ATP2B4: variants seen among roughly 807,000 people sequenced by gnomAD.
ATP2B4 encodes ATPase plasma membrane Ca2+ transporting 4.
In ATP2B4, 39 loss-of-function variants were observed where a neutral mutation model predicts 110.3. The ratio of observed to expected loss-of-function variants is 0.35; its 90% CI spans 0.27 to 0.46. The LOEUF (loss-of-function observed/expected upper bound fraction) is 0.46. ATP2B4 is among the 20% of genes least tolerant of loss of function. The pLI is 1.00. For synonymous variants in ATP2B4, 538 were observed against 571.7 expected (o/e 0.94, Z 0.84); for missense variants, 1,135 against 1,530.9 (o/e 0.74, Z 4.32).
Position 203,708,051 on chromosome 1 carries a change from G to A in ATP2B4, c.1504G>A (p.Asp502Asn), listed in dbSNP as rs199804431. ...SPDVFLPKVL[D>N]LIVNGISINS... ...TGATGTCTTCCTGCCCAAAGTCCTG[G>A]ACCTCATTGTCAATGGCATTTCTAT... Residue 502 changes from aspartate (D) to asparagine (N), a missense_variant, in exon 10 of 21, where the codon GAC (aspartate) becomes AAC (asparagine). Coordinates refer to ENST00000357681, the MANE Select transcript of ATP2B4 (RefSeq NM_001684.5). The A allele has an allele frequency of 7.5e-5, 121 of 1,614,008 alleles. No homozygotes were observed. The highest frequency in any genetic ancestry group is 1.6e-4 in the Middle Eastern group (1 of 6,084).
chr1:203,632,226 AC>A (rs1245490447), intron 1 of ATP2B4, among the ~76,000 whole-genome samples: 8 of 152,122 alleles, frequency 5.3e-5, no homozygotes. Context: ...AAAAAGAATG[AC>A]TAGGAGCCCT....
At chr1:203,714,344 C>T in intron 15 of ATP2B4, 67 bp downstream of exon 15, 1 of 1,562,298 alleles carries the variant, frequency 6.4e-7, no homozygotes, top group Non-Finnish European at 8.8e-7. Flanking sequence ...GGTCCGGCTT[C>T]TGGTTGCCTG....
Position 203,740,495 on chromosome 1 carries a change from T to C in ATP2B4, c.*641T>C, listed in dbSNP as rs1666977236. The C allele has an allele frequency of 6.6e-6, 1 of 151,672 alleles. No homozygotes were observed. Among genetic ancestry groups the C allele is most frequent in the Non-Finnish European group, 1.5e-5 (1 of 67,980 alleles). The allele number at this position is 151,672 out of a possible 1,614,324, so 9.4% of individuals were successfully genotyped here. A position where few individuals can be genotyped will look rare whatever the true frequency, so the allele number is the denominator to read the frequency against. On this transcript the variant is annotated 3_prime_UTR_variant, in exon 21 of 21. Coordinates refer to ENST00000357681, the MANE Select transcript of ATP2B4 (RefSeq NM_001684.5). ...AGAAAATGGAAAGGATATGGATGAA[T>C]TGTGTAAACTTAGATCCTTCTCCCT... is the stretch of plus-strand genomic sequence containing the variant.
chr1:203,694,670 TTTACTC>T (rs1361834882), intron 2 of ATP2B4, among the ~76,000 whole-genome samples: 15 of 152,062 alleles, frequency 9.9e-5, no homozygotes, highest in African/African-American at 3.4e-4. Flanking sequence ...GGTGCCTAGT[TTTACTC>T]TAAGTAAAAG....
At position 203,700,070 on chromosome 1, in the gene ATP2B4, G is replaced by T. The variant is rs76673685; in HGVS notation, c.650-136G>T. On this transcript the variant is annotated intron_variant, in intron 4 of 20. Coordinates refer to ENST00000357681, the MANE Select transcript of ATP2B4 (RefSeq NM_001684.5). Reference sequence around the variant, plus strand: ...CTGAAGACTTGTAAAGAGTCTCCATGTACTCTCGGCCATTGCTGTCTAGAT... The same window carrying T: ...CTGAAGACTTGTAAAGAGTCTCCATTTACTCTCGGCCATTGCTGTCTAGAT... 3.8e-3 allele frequency: 4,034 copies of T among 1,069,498 alleles called. 127 individuals are homozygous for T. The African/African-American group carries it at 0.058, about 15-fold the overall frequency. 66.3% of individuals were successfully genotyped at this position (1,069,498 alleles called of 1,614,324 possible). A position where few individuals can be genotyped will look rare whatever the true frequency, so the allele number is the denominator to read the frequency against.
chr1:203,712,561 A>G (rs1395822650), intron 13 of ATP2B4, among the ~76,000 whole-genome samples: 1 of 151,808 alleles, frequency 6.6e-6, no homozygotes, highest in East Asian at 1.9e-4. Flanking sequence ...ACTGCACTCC[A>G]GCCTGGGCAA....
At chr1:203,633,060 A>T (rs1663324403) in intron 1 of ATP2B4, among the ~76,000 whole-genome samples, 2 of 152,214 alleles carry the variant, frequency 1.3e-5, no homozygotes, top group African/African-American at 2.4e-5. Context: ...ACTAATTTCA[A>T]GTCTGAGACT....
At chr1:203,712,541 A>G (rs1271925106) in intron 13 of ATP2B4, among the ~76,000 whole-genome samples, 1 of 151,812 alleles carries the variant, frequency 6.6e-6, no homozygotes, top group East Asian at 1.9e-4. Flanking sequence ...CAGTGAGCCA[A>G]GATCATGCCA....
At chr1:203,719,242 AAAAGC>A (rs1393115022) in intron 15 of ATP2B4, among the ~76,000 whole-genome samples, 1 of 99,560 alleles carries the variant, frequency 1.0e-5, no homozygotes, top group Non-Finnish European at 2.2e-5. Flanking sequence ...AAAAAAAAAA[AAAAGC>A]AAGAGAGATA....
intron 1 of ATP2B4, among the ~76,000 whole-genome samples, chr1:203,630,519 A>G (rs190008778): frequency 2.6e-5 from 4 of 152,256 alleles, no homozygotes; most frequent in Non-Finnish European, 5.9e-5. Flanking sequence ...CAGAATGACC[A>G]AGACAAACCC....
intron 2 of ATP2B4, among the ~76,000 whole-genome samples, chr1:203,692,668 C>T (rs763727699): frequency 1.4e-4 from 22 of 152,246 alleles, no homozygotes; most frequent in Non-Finnish European, 3.2e-4. Flanking sequence ...TGATGTCTAC[C>T]CTAGCCCCAC....
At chr1:203,677,857 TC>T (rs1664873748) in intron 1 of ATP2B4, among the ~76,000 whole-genome samples, 1 of 152,292 alleles carries the variant, frequency 6.6e-6, no homozygotes, top group African/African-American at 2.4e-5. Context: ...ACTCATCAAG[TC>T]CTGCCTGGCA....
intron 1 of ATP2B4, among the ~76,000 whole-genome samples, chr1:203,672,680 T>C (rs1664710301): frequency 6.6e-6 from 1 of 152,088 alleles, no homozygotes; most frequent in Non-Finnish European, 1.5e-5. Context: ...CCAGGGGCAG[T>C]AATGTTTTGG....
At chr1:203,664,561 TGGA>T (rs1363227837) in intron 1 of ATP2B4, among the ~76,000 whole-genome samples, 1 of 152,116 alleles carries the variant, frequency 6.6e-6, no homozygotes, top group Non-Finnish European at 1.5e-5. Context: ...AGAATGGATT[TGGA>T]GGAGGTTTGG....
At chr1:203,656,136 A>G (rs1664158373) in intron 1 of ATP2B4, among the ~76,000 whole-genome samples, 1 of 151,838 alleles carries the variant, frequency 6.6e-6, no homozygotes, top group Non-Finnish European at 1.5e-5. Flanking sequence ...AACATATCAC[A>G]GATCACAAAA....
rs371472203 is a variant in ATP2B4 at position 203,690,279 on chromosome 1, C to T, written c.193+6881C>T. ...GATGTACTGGGATTGGGCTCTTCCT[C>T]GGTGTAGCAGATTGAAATTTCTAGT... On this transcript the variant is annotated intron_variant, in intron 2 of 20. Coordinates refer to ENST00000357681, the MANE Select transcript of ATP2B4 (RefSeq NM_001684.5). Among the ~76,000 whole-genome samples, 16 of 152,198 alleles carry T rather than the reference C, an allele frequency of 1.1e-4. No homozygotes were observed. In the South Asian group the frequency reaches 1.7e-3, roughly 16 times the overall value.
chr1:203,685,535 A>G (rs1402590039), intron 2 of ATP2B4, among the ~76,000 whole-genome samples: 2 of 44,188 alleles, frequency 4.5e-5, no homozygotes, highest in Non-Finnish European at 1.4e-4. Context: ...CTTGGAGCCT[A>G]GACTCTTTAG....
chr1:203,720,857 G>A (rs988190810), intron 16 of ATP2B4, 117 bp downstream of exon 16: 8 of 1,246,650 alleles, frequency 6.4e-6, no homozygotes, highest in Non-Finnish European at 7.7e-6. Context: ...CATGACATTG[G>A]GACAGGAGTT....
At chr1:203,702,262 C>G (rs1665717236) in intron 7 of ATP2B4, among the ~76,000 whole-genome samples, 183 bp downstream of exon 7, 1 of 152,152 alleles carries the variant, frequency 6.6e-6, no homozygotes, top group Admixed American at 6.6e-5. Context: ...TGATCCCAAT[C>G]TAAGATGGGA....
Sources: gnomAD v4.1 joint callset for allele counts (sites outside exome capture counted in the v4.1 genomes callset) on GRCh38, gnomAD v4.1.1 for gene constraint, MANE v1.5 for transcripts, NCBI Gene and HGNC (gene_info 2026-07-23, HGNC 2026-07-21) for gene names.